The following CLGN variants were observed in gnomAD, a reference collection of about 807,000 sequenced individuals.
CLGN encodes the protein calmegin.
CLGN carries 62 observed loss-of-function variants against 79.1 expected under a neutral mutation model. That is an observed-to-expected ratio of 0.78 (90% CI 0.64 to 0.97). The LOEUF (loss-of-function observed/expected upper bound fraction) is 0.97, where lower values mean the gene tolerates loss of function less well. CLGN is among the 50% of genes least tolerant of loss of function. CLGN has a pLI of 0.00. For missense variants in CLGN, 647 were observed against 715.5 expected, an observed-to-expected ratio of 0.90 and a Z score of 1.09; for synonymous variants, 225 against 224.7, an observed-to-expected ratio of 1.00 and a Z score of -0.01.
intron 7 of CLGN, among the ~76,000 whole-genome samples, chr4:140,400,113 G>A (rs765032973): frequency 6.6e-6 from 1 of 151,996 alleles, no homozygotes; most frequent in African/African-American, 2.4e-5. Flanking sequence ...ATCTTTCCTA[G>A]CTTTGTTCCA....
At chr4:140,420,091 G>C (rs1020441988) in intron 1 of CLGN, among the ~76,000 whole-genome samples, 3 of 151,938 alleles carry the variant, frequency 2.0e-5, no homozygotes, top group African/African-American at 7.2e-5. Flanking sequence ...TCTTTCAAAT[G>C]AATGTACACT....
At chr4:140,426,458 G>A (rs1380586960) in intron 1 of CLGN, among the ~76,000 whole-genome samples, 1 of 152,196 alleles carries the variant, frequency 6.6e-6, no homozygotes, top group East Asian at 1.9e-4. Flanking sequence ...CTGAGGATTT[G>A]GAGATGAGAT....
chr4:140,419,636 G>C (rs1198684523), intron 1 of CLGN, among the ~76,000 whole-genome samples: 1 of 151,990 alleles, frequency 6.6e-6, no homozygotes. Flanking sequence ...CAAATATAGG[G>C]CTTATTGTAA....
intron 1 of CLGN, among the ~76,000 whole-genome samples, chr4:140,419,645 A>T (rs1356688199): frequency 1.3e-5 from 2 of 152,166 alleles, no homozygotes; most frequent in African/African-American, 2.4e-5. Context: ...GGCTTATTGT[A>T]ATCAGGTAGA....
intron 1 of CLGN, among the ~76,000 whole-genome samples, chr4:140,418,170 TC>T (rs1247885261): frequency 3.5e-4 from 53 of 152,144 alleles, no homozygotes; most frequent in African/African-American, 1.3e-3. Context: ...TGAAACTGGA[TC>T]CCTTCCTTAC....
chr4:140,424,647 T>C (rs1729528443), intron 1 of CLGN, among the ~76,000 whole-genome samples: 1 of 152,204 alleles, frequency 6.6e-6, no homozygotes, highest in African/African-American at 2.4e-5. Flanking sequence ...TGTCACCCTC[T>C]TCCCTCCTTA....
rs757932754 is a variant in CLGN, at chr4:140,398,907, C to T, written c.828G>A (p.Glu276=). Residue 276 remains glutamate (E), a synonymous_variant, in exon 8 of 15, where the codon GAG becomes GAA. Coordinates refer to ENST00000325617, the MANE Select transcript of CLGN (RefSeq NM_004362.3). ...GAATTTTTGCTCTTTCATCCCATTCCTCAGGTTTTTTATCATTGGGATCTT... is the reference window on the plus strand; with the variant it reads ...GAATTTTTGCTCTTTCATCCCATTCTTCAGGTTTTTTATCATTGGGATCTT... ...EIEDPNDKKP[E]EWDERAKIPD... is the part of the protein sequence containing the mutation. 1 of 1,613,890 alleles carries T rather than the reference C, an allele frequency of 6.2e-7. No individual in the cohort carries two copies. Among genetic ancestry groups the T allele is most frequent in the Admixed American group, 1.7e-5 (1 of 59,996 alleles).
chr4:140,418,044 G>A (rs1339867264), intron 1 of CLGN, among the ~76,000 whole-genome samples: 2 of 151,936 alleles, frequency 1.3e-5, no homozygotes, highest in African/African-American at 4.8e-5. Context: ...CAGAAATAAC[G>A]CCGCATATCT....
chr4:140,418,398 C>G (rs1357581658), intron 1 of CLGN, among the ~76,000 whole-genome samples: 2 of 147,930 alleles, frequency 1.4e-5, no homozygotes, highest in African/African-American at 5.2e-5. Flanking sequence ...AAGAAACTAC[C>G]ATCAGAGTGA....
intron 1 of CLGN, among the ~76,000 whole-genome samples, chr4:140,415,431 T>C (rs1297460372): frequency 2.0e-5 from 3 of 151,632 alleles, no homozygotes; most frequent in East Asian, 3.9e-4. Context: ...TCAAGACCCA[T>C]CAGTGTGCTG....
chr4:140,397,860 C>A (rs143254676), intron 8 of CLGN, among the ~76,000 whole-genome samples: 1 of 152,162 alleles, frequency 6.6e-6, no homozygotes, highest in Non-Finnish European at 1.5e-5. Context: ...ACTGAGATCA[C>A]GCCATTGCAT....
chr4:140,402,043 C>T lies in CLGN; in HGVS notation c.443G>A (p.Gly148Asp), dbSNP rs751694520. ...AATGTATGCACCTCCACAATCAATACCATCTTGAAAATTTACTTCATATCT... is the reference window on the plus strand; with the variant it reads ...AATGTATGCACCTCCACAATCAATATCATCTTGAAAATTTACTTCATATCT... ...IVQYEVNFQD[G>D]IDCGGAYIKL... Residue 148 changes from glycine (G) to aspartate (D), a missense_variant, in exon 6 of 15, where the codon GGT becomes GAT. Gly to Asp is a moderately conservative substitution (Grantham distance 94). Coordinates refer to ENST00000325617, the MANE Select transcript of CLGN (RefSeq NM_004362.3). 9.5e-6 allele frequency: 15 copies of T among 1,577,222 alleles called. No individual in the cohort carries two copies. The South Asian group carries it at 1.4e-4, about 15-fold the overall frequency.
intron 5 of CLGN, among the ~76,000 whole-genome samples, chr4:140,403,263 TC>T (rs1729031454): frequency 6.6e-6 from 1 of 152,314 alleles, no homozygotes; most frequent in South Asian, 2.1e-4. Flanking sequence ...GCTCTAAGTC[TC>T]TATTTGCTCA....
chr4:140,398,576 G>T (rs1728937962), intron 8 of CLGN, among the ~76,000 whole-genome samples: 2 of 151,516 alleles, frequency 1.3e-5, no homozygotes, highest in Admixed American at 1.3e-4. Flanking sequence ...TAAAGCACTG[G>T]TATTTTGGAT....
At chr4:140,423,451 G>T (rs1316375831) in intron 1 of CLGN, among the ~76,000 whole-genome samples, 1 of 152,142 alleles carries the variant, frequency 6.6e-6, no homozygotes, top group Non-Finnish European at 1.5e-5. Flanking sequence ...ATTTTGTTAA[G>T]AATTTCTGCA....
chr4:140,417,930 C>T (rs1267410960), intron 1 of CLGN, among the ~76,000 whole-genome samples: 4 of 152,122 alleles, frequency 2.6e-5, no homozygotes, highest in African/African-American at 4.8e-5. Flanking sequence ...CTGGAGGCAT[C>T]ACACTACCTG....
At position 140,407,328 on chromosome 4, in the gene CLGN, C is replaced by A. The variant is rs139883047; in HGVS notation, c.278-1245G>T. Among the ~76,000 whole-genome samples, 351 of 152,016 alleles carry A rather than the reference C, an allele frequency of 2.3e-3. 1 individual carries two copies. Among genetic ancestry groups the A allele is most frequent in the African/African-American group, 8.2e-3 (340 of 41,478 alleles). ...AACTTTATCTGGAAGTCCTAGCCAG[C>A]GCAATCTGGCAAGAGAAAGAAATAA... is the stretch of plus-strand genomic sequence containing the variant. On this transcript the variant is annotated intron_variant, in intron 4 of 14. Coordinates refer to ENST00000325617, the MANE Select transcript of CLGN (RefSeq NM_004362.3).
intron 1 of CLGN, among the ~76,000 whole-genome samples, chr4:140,422,606 A>G (rs1259532359): frequency 6.6e-6 from 1 of 152,074 alleles, no homozygotes; most frequent in Admixed American, 6.6e-5. Context: ...TTACCCTGCA[A>G]CTTTAGTGAA....
intron 1 of CLGN, among the ~76,000 whole-genome samples, chr4:140,416,020 T>A (rs1404967341): frequency 3.0e-4 from 16 of 53,978 alleles, no homozygotes; most frequent in East Asian, 4.1e-4. Context: ...CACAGTGCAA[T>A]CAAACTAGAA....
Sources: gnomAD v4.1 joint callset for allele counts (sites outside exome capture counted in the v4.1 genomes callset) on GRCh38, gnomAD v4.1.1 for gene constraint, MANE v1.5 for transcripts, NCBI Gene and HGNC (gene_info 2026-07-23, HGNC 2026-07-21) for gene names.